FSIP1: variants seen among roughly 807,000 people sequenced by gnomAD.
FSIP1 encodes the protein fibrous sheath interacting protein 1.
FSIP1 carries 65 observed loss-of-function variants against 60.9 expected under a neutral mutation model. That is an observed-to-expected ratio of 1.07 (90% CI 0.87 to 1.31). The LOEUF (loss-of-function observed/expected upper bound fraction) is 1.31, where lower values mean the gene tolerates loss of function less well. FSIP1 is among the 40% of genes most tolerant of loss of function. The probability of loss-of-function intolerance (pLI) is 0.00; values close to 1 mark genes in which losing one functional copy is unlikely to be tolerated. For synonymous variants in FSIP1, 209 were observed against 221.2 expected, an observed-to-expected ratio of 0.94 and a Z score of 0.49; for missense variants, 675 against 665.5, an observed-to-expected ratio of 1.01 and a Z score of -0.16.
chr15:39,769,425 A>G (rs1387772031), intron 3 of FSIP1, among the ~76,000 whole-genome samples: 1 of 152,238 alleles, frequency 6.6e-6, no homozygotes, highest in Admixed American at 6.5e-5. Context: ...CCTCGAAGTA[A>G]CATGTTTATT....
chr15:39,618,195 A>C lies in FSIP1; in HGVS notation c.1239T>G (p.Asp413Glu). The change falls in exon 11 of 12, where the codon GAT becomes GAG. Residue 413 changes from aspartate (D) to glutamate (E), a missense_variant. Asp to Glu is a conservative substitution (Grantham distance 45, BLOSUM62 2). Transcript: ENST00000350221. Reference sequence around the variant, plus strand: ...TGGATTTTTGTTTAAGTATGCATTCATCCAGAAGACACTTTAACTGTTCTT... The same window carrying C: ...TGGATTTTTGTTTAAGTATGCATTCCTCCAGAAGACACTTTAACTGTTCTT... ...LSEEQLKCLLDECILKQKSII... is the reference protein window; with the variant it reads ...LSEEQLKCLLEECILKQKSII... The C allele has an allele frequency of 6.2e-7, 1 of 1,613,416 alleles. No individual in the cohort carries two copies. Among genetic ancestry groups the C allele is most frequent in the Non-Finnish European group, 8.5e-7 (1 of 1,179,416 alleles).
chr15:39,622,815 C>T (rs1891490356), intron 10 of FSIP1, among the ~76,000 whole-genome samples: 1 of 152,276 alleles, frequency 6.6e-6, no homozygotes, highest in Admixed American at 6.5e-5. Flanking sequence ...TGAGTTCTCC[C>T]TCTACCACCC....
chr15:39,732,042 A>T (rs1896424165), intron 8 of FSIP1, among the ~76,000 whole-genome samples: 1 of 152,178 alleles, frequency 6.6e-6, no homozygotes, highest in Non-Finnish European at 1.5e-5. Context: ...GTTAGAAAGG[A>T]TGGTTTCAGG....
chr15:39,618,894 T>A (rs188066074), intron 10 of FSIP1, among the ~76,000 whole-genome samples: 5 of 152,132 alleles, frequency 3.3e-5, no homozygotes, highest in African/African-American at 7.2e-5. Flanking sequence ...AACATTTGAG[T>A]TGCAACAATC....
In FSIP1 at chr15:39,697,560, A is replaced by G. The variant is rs372797928; in HGVS notation, c.1188+15884T>C. Among the ~76,000 whole-genome samples the G allele has an allele frequency of 1.1e-4, 17 of 152,362 alleles. No individual in the cohort carries two copies. In the East Asian group the frequency reaches 2.5e-3, roughly 22 times the overall value. Reference sequence around the variant, plus strand: ...GAGTCGACATCAAGCTCAGCAGCATATAAGAATGAAGTAAGACACTCTGCC... The same window carrying G: ...GAGTCGACATCAAGCTCAGCAGCATGTAAGAATGAAGTAAGACACTCTGCC... On this transcript the variant is annotated intron_variant, in intron 10 of 11. Transcript: ENST00000350221.
intron 9 of FSIP1, among the ~76,000 whole-genome samples, chr15:39,725,879 G>A (rs1289259992): frequency 6.6e-6 from 1 of 151,744 alleles, no homozygotes; most frequent in East Asian, 1.9e-4. Context: ...CCACCTCCTG[G>A]GTTCAAACGA....
intron 10 of FSIP1, among the ~76,000 whole-genome samples, chr15:39,647,694 A>G (rs1487750662): frequency 1.7e-5 from 2 of 114,438 alleles, no homozygotes; most frequent in African/African-American, 1.2e-4. Flanking sequence ...TCAAAAAATT[A>G]TCACTTAATA....
At chr15:39,616,742 A>C (rs2093113518) in intron 11 of FSIP1, among the ~76,000 whole-genome samples, 1 of 152,222 alleles carries the variant, frequency 6.6e-6, no homozygotes, top group African/African-American at 2.4e-5. Context: ...CCATAGAAGG[A>C]AGTGTGGTTA....
intron 9 of FSIP1, among the ~76,000 whole-genome samples, chr15:39,719,248 A>T (rs1895863566): frequency 6.6e-6 from 1 of 152,202 alleles, no homozygotes; most frequent in Non-Finnish European, 1.5e-5. Context: ...GATCATCAGG[A>T]AATATCTTGA....
intron 10 of FSIP1, among the ~76,000 whole-genome samples, chr15:39,660,668 T>C (rs1472026544): frequency 6.6e-6 from 1 of 152,242 alleles, no homozygotes; most frequent in Non-Finnish European, 1.5e-5. Context: ...TTTATTTATT[T>C]AGAAAAAGAA....
intron 10 of FSIP1, among the ~76,000 whole-genome samples, chr15:39,704,120 C>A (rs1161048292): frequency 6.6e-6 from 1 of 152,190 alleles, no homozygotes; most frequent in Non-Finnish European, 1.5e-5. Context: ...CCAAAGTTTA[C>A]AACCAAATGT....
chr15:39,770,296 T>C (rs751089071), intron 3 of FSIP1, 131 bp downstream of exon 3: 12 of 575,688 alleles, frequency 2.1e-5, no homozygotes, highest in African/African-American at 9.6e-5. Context: ...ATAGTCTATG[T>C]CTTTTTTTTG....
chr15:39,703,619 T>G (rs1048088050), intron 10 of FSIP1, among the ~76,000 whole-genome samples: 1 of 152,176 alleles, frequency 6.6e-6, no homozygotes, highest in African/African-American at 2.4e-5. Flanking sequence ...AGGAGAAATA[T>G]CTAATCCATG....
At chr15:39,739,082 C>A (rs142454375) in intron 7 of FSIP1, among the ~76,000 whole-genome samples, 2 of 152,192 alleles carry the variant, frequency 1.3e-5, no homozygotes. Context: ...GGAACCCCTG[C>A]GCCCTTGTTT....
chr15:39,614,407 T>C (rs957875090), intron 11 of FSIP1, among the ~76,000 whole-genome samples: 5 of 151,806 alleles, frequency 3.3e-5, no homozygotes, highest in Admixed American at 6.6e-5. Context: ...TGAAAGAAAG[T>C]GAAGAAAAAG....
At chr15:39,641,545 G>A (rs1892370048) in intron 10 of FSIP1, among the ~76,000 whole-genome samples, 1 of 152,176 alleles carries the variant, frequency 6.6e-6, no homozygotes, top group African/African-American at 2.4e-5. Context: ...TAAGCACTAT[G>A]ACAAATATAA....
chr15:39,663,841 C>G (rs1232188598), intron 10 of FSIP1, among the ~76,000 whole-genome samples: 1 of 152,176 alleles, frequency 6.6e-6, no homozygotes, highest in Non-Finnish European at 1.5e-5. Flanking sequence ...ATCCTATGCT[C>G]TATTTAAACT....
intron 10 of FSIP1, among the ~76,000 whole-genome samples, chr15:39,623,180 C>G (rs1334594745): frequency 1.3e-5 from 2 of 152,170 alleles, no homozygotes; most frequent in African/African-American, 4.8e-5. Flanking sequence ...ACTCTCATCC[C>G]TGCCCCACCT....
intron 10 of FSIP1, among the ~76,000 whole-genome samples, chr15:39,689,245 C>T (rs1894503397): frequency 6.6e-6 from 1 of 152,140 alleles, no homozygotes; most frequent in East Asian, 1.9e-4. Flanking sequence ...TCTGTGCACC[C>T]CACCCTCCCA....
Sources: allele counts gnomAD v4.1 joint callset (sites outside exome capture counted in the v4.1 genomes callset), GRCh38; gene constraint gnomAD v4.1.1; transcripts MANE v1.5; gene names NCBI Gene and HGNC (gene_info 2026-07-23, HGNC 2026-07-21).